LRRC4C: variants seen among roughly 807,000 people sequenced by gnomAD.
LRRC4C encodes the protein leucine-rich repeat-containing protein 4C.
LRRC4C carries 5 observed loss-of-function variants against 33.6 expected under a neutral mutation model. The observed-to-expected ratio is 0.15, with a 90% CI of 0.08 to 0.31. LRRC4C has a LOEUF of 0.31. Ranked by LOEUF, LRRC4C falls within the 10% of genes least tolerant of loss-of-function variation. The pLI, the probability that LRRC4C is intolerant of heterozygous loss-of-function variation, is 1.00. For synonymous variants in LRRC4C, 329 were observed against 302.0 expected (o/e 1.09, Z -0.93); for missense variants, 560 against 796.7 (o/e 0.70, Z 3.58).
intron 3 of LRRC4C, among the ~76,000 whole-genome samples, chr11:40,400,550 G>A (rs553978818): frequency 9.5e-4 from 144 of 152,052 alleles, no homozygotes; most frequent in South Asian, 3.7e-3. Flanking sequence ...AGTACTACCT[G>A]GAAAAAAAGT....
intron 1 of LRRC4C, among the ~76,000 whole-genome samples, chr11:41,397,000 C>T (rs140442915): frequency 6.6e-5 from 10 of 151,994 alleles, no homozygotes; most frequent in Admixed American, 4.6e-4. Flanking sequence ...CCCATCAACG[C>T]TATGAAGATG....
chr11:41,102,207 T>C (rs1941232535), intron 1 of LRRC4C, among the ~76,000 whole-genome samples: 1 of 152,096 alleles, frequency 6.6e-6, no homozygotes, highest in African/African-American at 2.4e-5. Context: ...AACTTAACGT[T>C]ATCGTCATTA....
At chr11:41,059,234 GAGAA>G (rs1342048207) in intron 1 of LRRC4C, among the ~76,000 whole-genome samples, 1 of 43,642 alleles carries the variant, frequency 2.3e-5, no homozygotes, top group East Asian at 1.1e-3. Context: ...TTAAGAAAAA[GAGAA>G]AGAACTTGTT....
chr11:41,280,608 C>T (rs912520252), intron 1 of LRRC4C, among the ~76,000 whole-genome samples: 2 of 152,118 alleles, frequency 1.3e-5, no homozygotes, highest in Admixed American at 6.5e-5. Flanking sequence ...TTACATTATG[C>T]TATACGATGC....
At chr11:41,253,407 T>C (rs1948703834) in intron 1 of LRRC4C, among the ~76,000 whole-genome samples, 1 of 152,166 alleles carries the variant, frequency 6.6e-6, no homozygotes, top group Non-Finnish European at 1.5e-5. Context: ...CCTGTACTTC[T>C]GAAGACCATT....
intron 1 of LRRC4C, among the ~76,000 whole-genome samples, chr11:41,038,477 C>T (rs542794277): frequency 8.5e-5 from 13 of 152,306 alleles, no homozygotes; most frequent in African/African-American, 3.1e-4. Flanking sequence ...GCCTTGTTCT[C>T]ACTTTATTTG....
chr11:41,234,082 A>C (rs1947918848), intron 1 of LRRC4C, among the ~76,000 whole-genome samples: 1 of 151,888 alleles, frequency 6.6e-6, no homozygotes, highest in Non-Finnish European at 1.5e-5. Flanking sequence ...TACCTCTACT[A>C]TATTAGGTCA....
intron 2 of LRRC4C, among the ~76,000 whole-genome samples, chr11:40,707,690 G>T (rs1016168454): frequency 2.0e-5 from 3 of 152,016 alleles, no homozygotes; most frequent in African/African-American, 7.3e-5. Context: ...TTGTGTCTCT[G>T]CCCAGCTTTG....
chr11:40,327,978 A>T (rs1367845003), intron 3 of LRRC4C, among the ~76,000 whole-genome samples: 1 of 152,186 alleles, frequency 6.6e-6, no homozygotes, highest in Non-Finnish European at 1.5e-5. Flanking sequence ...ATTAATCATT[A>T]TGTAAAAATA....
intron 3 of LRRC4C, among the ~76,000 whole-genome samples, chr11:40,330,753 G>A (rs544900467): frequency 1.3e-3 from 197 of 152,218 alleles, no homozygotes; most frequent in African/African-American, 4.6e-3. Flanking sequence ...CCATGATTCA[G>A]TTACCTCCCA....
intron 1 of LRRC4C, among the ~76,000 whole-genome samples, chr11:41,237,669 G>A (rs1047548863): frequency 6.6e-6 from 1 of 152,122 alleles, no homozygotes; most frequent in Non-Finnish European, 1.5e-5. Context: ...ATGTTTCAGA[G>A]GAACATTATC....
chr11:40,165,447 C>T (rs147847495), intron 5 of LRRC4C, among the ~76,000 whole-genome samples: 1 of 152,154 alleles, frequency 6.6e-6, no homozygotes, highest in Non-Finnish European at 1.5e-5. Context: ...ATGAAGAAAA[C>T]ACAAATTATC....
chr11:41,283,145 A>G (rs947230397), intron 1 of LRRC4C, among the ~76,000 whole-genome samples: 1 of 152,206 alleles, frequency 6.6e-6, no homozygotes, highest in African/African-American at 2.4e-5. Flanking sequence ...TCTGCTCAAT[A>G]ACAGCAATCA....
intron 2 of LRRC4C, among the ~76,000 whole-genome samples, chr11:40,905,865 G>A (rs1024379414): frequency 6.6e-6 from 1 of 152,210 alleles, no homozygotes; most frequent in Non-Finnish European, 1.5e-5. Flanking sequence ...CATGAACTTA[G>A]TTGATAAAGT....
At chr11:40,203,822 CT>C (rs1307686938) in intron 5 of LRRC4C, among the ~76,000 whole-genome samples, 1 of 152,218 alleles carries the variant, frequency 6.6e-6, no homozygotes, top group African/African-American at 2.4e-5. Flanking sequence ...GGATAAATAT[CT>C]AAATGAATGG....
At chr11:41,257,785 T>C (rs1948848727) in intron 1 of LRRC4C, among the ~76,000 whole-genome samples, 1 of 152,012 alleles carries the variant, frequency 6.6e-6, no homozygotes, top group Non-Finnish European at 1.5e-5. Context: ...TTTGCCAGAG[T>C]GACTTTGTTC....
At chr11:40,418,701 G>C (rs1950415714) in intron 3 of LRRC4C, among the ~76,000 whole-genome samples, 1 of 152,274 alleles carries the variant, frequency 6.6e-6, no homozygotes, top group East Asian at 1.9e-4. Flanking sequence ...CGAAGGCACG[G>C]AATGAACCCA....
chr11:41,020,097 A>G (rs1332892236), intron 1 of LRRC4C, among the ~76,000 whole-genome samples: 1 of 151,894 alleles, frequency 6.6e-6, no homozygotes, highest in Non-Finnish European at 1.5e-5. Context: ...CCAAACCCCT[A>G]CTTTTAACTA....
intron 1 of LRRC4C, among the ~76,000 whole-genome samples, chr11:40,953,674 A>G (rs555934736): frequency 1.4e-4 from 21 of 151,786 alleles, no homozygotes; most frequent in Non-Finnish European, 2.2e-4. Context: ...CCATTGACCT[A>G]TAAGGACTTA....
Sources: allele counts gnomAD v4.1 joint callset (sites outside exome capture counted in the v4.1 genomes callset), GRCh38; gene constraint gnomAD v4.1.1; transcripts MANE v1.5; gene names NCBI Gene and HGNC (gene_info 2026-07-23, HGNC 2026-07-21).